The following CPQ variants were observed in gnomAD, a reference collection of about 807,000 sequenced individuals.
The protein encoded by CPQ is Ser-Met dipeptidase.
Under a neutral mutation model 45.7 loss-of-function variants are expected in CPQ, and 37 were observed. That is an observed-to-expected ratio of 0.81 (90% CI 0.62 to 1.07). The LOEUF is 1.07. Among genes scored for constraint, CPQ ranks in the 50% least tolerant of loss-of-function variants. The pLI is 0.00. For synonymous variants in CPQ, 186 were observed against 205.8 expected (o/e 0.90, Z 0.82); for missense variants, 537 against 572.9 (o/e 0.94, Z 0.64).
rs1036797468 is a variant in CPQ at position 96,795,289 on chromosome 8, T to A, written c.433+9959T>A. Among the ~76,000 whole-genome samples, 4 of 152,122 alleles carry A rather than the reference T, an allele frequency of 2.6e-5. No homozygotes were observed. The East Asian group carries it at 7.7e-4, about 29-fold the overall frequency. ...GTGGCAGACAAGAGAAGAGAACTTG[T>A]GCAGGAAATTCCCCCTTTTAAAACG... On this transcript the variant is annotated intron_variant, in intron 2 of 7. Coordinates refer to ENST00000220763, the MANE Select transcript of CPQ (RefSeq NM_016134.4).
At chr8:96,917,986 C>T (rs746976555) in intron 4 of CPQ, among the ~76,000 whole-genome samples, 3 of 152,210 alleles carry the variant, frequency 2.0e-5, no homozygotes, top group Non-Finnish European at 4.4e-5. Context: ...TACCTTTAGC[C>T]GTATAGAGTG....
rs1381078405 is a variant in CPQ at position 97,112,168 on chromosome 8, T to A, written c.1256-30852T>A. 1.8e-4 allele frequency among the ~76,000 whole-genome samples: 28 copies of A among 151,588 alleles called. 1 individual carries two copies. Among genetic ancestry groups the A allele is most frequent in the Admixed American group, 9.8e-4 (15 of 15,244 alleles). ...TTATTTTTATTTTTTTTTTATTTTT[T>A]TTTTTGCTAAGACACTGTGGTAAGA... On this transcript the variant is annotated intron_variant, in intron 7 of 7. Transcript: ENST00000220763.
intron 5 of CPQ, among the ~76,000 whole-genome samples, chr8:96,971,516 A>G (rs1813679668): frequency 1.3e-5 from 2 of 152,208 alleles, no homozygotes; most frequent in Non-Finnish European, 2.9e-5. Context: ...AAAACATTCC[A>G]TGAACTCTCC....
rs553626916 is a variant in CPQ at position 96,779,366 on chromosome 8, T to G, written c.-34-5498T>G. Among the ~76,000 whole-genome samples the G allele has an allele frequency of 1.4e-4, 22 of 152,292 alleles. No homozygotes were observed. In the South Asian group the frequency reaches 3.9e-3, roughly 27 times the overall value. Reference sequence around the variant, plus strand: ...GTATATATATATTATTACAGTTATTTGCCTCTTAGACTGCATTTGGGTATT... The same window carrying G: ...GTATATATATATTATTACAGTTATTGGCCTCTTAGACTGCATTTGGGTATT... On this transcript the variant is annotated intron_variant, in intron 1 of 7. Transcript: ENST00000220763.
chr8:96,952,507 T>C (rs1813283573), intron 4 of CPQ, among the ~76,000 whole-genome samples: 1 of 152,080 alleles, frequency 6.6e-6, no homozygotes, highest in South Asian at 2.1e-4. Context: ...ATATATAACA[T>C]ACAAAAAAAT....
chr8:97,105,913 T>C lies in CPQ; in HGVS notation c.1256-37107T>C, dbSNP rs1234760437. ...ATTCTGCTTTGTTTCTAGGATGCAG[T>C]TGCATAAAACATTATATTCTGTGAC... On this transcript the variant is annotated intron_variant, in intron 7 of 7. Coordinates refer to ENST00000220763, the MANE Select transcript of CPQ (RefSeq NM_016134.4). Among the ~76,000 whole-genome samples the C allele has an allele frequency of 2.0e-5, 3 of 152,344 alleles. No homozygotes were observed. The East Asian group carries it at 5.8e-4, about 29-fold the overall frequency.
intron 5 of CPQ, among the ~76,000 whole-genome samples, chr8:96,995,769 C>T (rs989813262): frequency 6.6e-6 from 1 of 151,574 alleles, no homozygotes. Flanking sequence ...ATTATTTCAT[C>T]ACCCAGGTAT....
At chr8:97,020,458 T>C (rs1456213209) in intron 5 of CPQ, among the ~76,000 whole-genome samples, 1 of 151,788 alleles carries the variant, frequency 6.6e-6, no homozygotes, top group African/African-American at 2.4e-5. Context: ...GAAAGATAGA[T>C]AAAATTGATA....
chr8:96,724,668 T>C (rs1361209312), intron 1 of CPQ, among the ~76,000 whole-genome samples: 1 of 152,184 alleles, frequency 6.6e-6, no homozygotes, highest in Non-Finnish European at 1.5e-5. Flanking sequence ...ATCTTTAAAA[T>C]GTCCACACTG....
At chr8:96,810,338 T>C (rs989689343) in intron 2 of CPQ, among the ~76,000 whole-genome samples, 8 of 152,280 alleles carry the variant, frequency 5.3e-5, no homozygotes, top group Non-Finnish European at 8.8e-5. Context: ...TAGATGTTTG[T>C]AGAATTAGTG....
At chr8:96,724,978 G>A (rs915766336) in intron 1 of CPQ, among the ~76,000 whole-genome samples, 2 of 152,106 alleles carry the variant, frequency 1.3e-5, no homozygotes, top group Non-Finnish European at 2.9e-5. Flanking sequence ...AATAAACAAC[G>A]GGGAAAGAAC....
In CPQ at chr8:96,723,549, T is replaced by C. The variant is rs145531175; in HGVS notation, c.-34-61315T>C. The stretch of plus-strand genomic sequence containing the variant: ...TGAAGAAGGCTTGCGTTGGATTCTG[T>C]CTACTCAATCTCTCTTTTATTACCC... On this transcript the variant is annotated intron_variant, in intron 1 of 7. Transcript: ENST00000220763. Among the ~76,000 whole-genome samples the C allele has an allele frequency of 1.1e-4, 16 of 152,264 alleles. No individual in the cohort carries two copies. The East Asian group carries it at 3.1e-3, about 29-fold the overall frequency.
chr8:96,798,572 C>T (rs1293993457), intron 2 of CPQ, among the ~76,000 whole-genome samples: 1 of 152,026 alleles, frequency 6.6e-6, no homozygotes, highest in Admixed American at 6.6e-5. Flanking sequence ...GTCTATTTGC[C>T]TTTCCCTCAA....
Position 96,822,489 on chromosome 8 carries a change from A to G in CPQ, c.434-12484A>G, listed in dbSNP as rs568592835. ...TTTTAGCTCTATTTTTAATTTTTTG[A>G]GGAGCCTCTACACTGTTTTTCATAA... On this transcript the variant is annotated intron_variant, in intron 2 of 7. Coordinates refer to ENST00000220763, the MANE Select transcript of CPQ (RefSeq NM_016134.4). Among the ~76,000 whole-genome samples, 4 of 151,932 alleles carry G rather than the reference A, an allele frequency of 2.6e-5. No individual in the cohort carries two copies. The East Asian group carries it at 5.8e-4, about 22-fold the overall frequency.
intron 3 of CPQ, among the ~76,000 whole-genome samples, chr8:96,856,630 A>G (rs943251713): frequency 6.6e-6 from 1 of 152,164 alleles, no homozygotes; most frequent in African/African-American, 2.4e-5. Flanking sequence ...AGTACTTAGT[A>G]TGGACCAGGC....
intron 4 of CPQ, among the ~76,000 whole-genome samples, chr8:96,884,589 A>G (rs896803862): frequency 1.2e-4 from 18 of 152,176 alleles, no homozygotes; most frequent in African/African-American, 3.9e-4. Context: ...AGAAGAAATT[A>G]TATGGTACCA....
At chr8:97,089,263 A>G (rs1811092557) in intron 7 of CPQ, among the ~76,000 whole-genome samples, 1 of 149,920 alleles carries the variant, frequency 6.7e-6, no homozygotes. Flanking sequence ...AAAAAAAGAG[A>G]AAAGAAAAGA....
intron 5 of CPQ, among the ~76,000 whole-genome samples, chr8:97,021,997 T>C (rs924984149): frequency 6.6e-6 from 1 of 152,106 alleles, no homozygotes; most frequent in African/African-American, 2.4e-5. Context: ...TATAAGGCCA[T>C]AGTCACCAAA....
intron 7 of CPQ, among the ~76,000 whole-genome samples, chr8:97,089,684 C>A (rs1811099376): frequency 6.6e-6 from 1 of 152,154 alleles, no homozygotes; most frequent in Non-Finnish European, 1.5e-5. Context: ...AAACATCTGT[C>A]ATTTTTTCCT....
Sources: allele counts gnomAD v4.1 joint callset (sites outside exome capture counted in the v4.1 genomes callset), GRCh38; gene constraint gnomAD v4.1.1; transcripts MANE v1.5; gene names NCBI Gene and HGNC (gene_info 2026-07-23, HGNC 2026-07-21).